ABCD3: variants seen among roughly 807,000 people sequenced by gnomAD.
ABCD3 encodes ATP binding cassette subfamily D member 3.
Under a neutral mutation model 105.5 loss-of-function variants are expected in ABCD3, and 41 were observed. That is an observed-to-expected ratio of 0.39 (90% confidence interval 0.30 to 0.50). The LOEUF (loss-of-function observed/expected upper bound fraction) is 0.50, where lower values mean the gene tolerates loss of function less well. ABCD3 is among the 20% of genes least tolerant of loss of function. The pLI, the probability that ABCD3 is intolerant of heterozygous loss-of-function variation, is 0.84. For missense variants in ABCD3, 622 were observed against 806.3 expected, an observed-to-expected ratio of 0.77 and a Z score of 2.77; for synonymous variants, 258 against 269.0, an observed-to-expected ratio of 0.96 and a Z score of 0.40.
rs1443545252 is a variant in ABCD3 at position 94,518,610 on chromosome 1, G to T, written c.*1481G>T. The T allele has an allele frequency of 6.6e-6, 1 of 151,162 alleles. No individual in the cohort carries two copies. Among genetic ancestry groups the T allele is most frequent in the Non-Finnish European group, 1.5e-5 (1 of 67,732 alleles). The allele number at this position is 151,162 out of a possible 1,614,324, so 9.4% of individuals were successfully genotyped here. On this transcript the variant is annotated 3_prime_UTR_variant, in exon 23 of 23. Coordinates refer to ENST00000370214, the MANE Select transcript of ABCD3 (RefSeq NM_002858.4). ...AATTCAGCCTTGACTTGAAAACATAGATAGTTTAATCTTGACTTGAAAAAC... is the reference window on the plus strand; with the variant it reads ...AATTCAGCCTTGACTTGAAAACATATATAGTTTAATCTTGACTTGAAAAAC...
At chr1:94,483,337 A>T (rs927063934) in intron 10 of ABCD3, 98 bp downstream of exon 10, 1 of 867,500 alleles carries the variant, frequency 1.2e-6, no homozygotes, top group African/African-American at 1.7e-5. Flanking sequence ...ACACACAAAC[A>T]CACACGTATG....
At chr1:94,458,711 CT>C (rs1439879531) in intron 2 of ABCD3, 68 bp downstream of exon 2, 1 of 1,469,152 alleles carries the variant, frequency 6.8e-7, no homozygotes, top group Non-Finnish European at 9.5e-7. Flanking sequence ...TCATATGATT[CT>C]GATTTAGGAT....
intron 1 of ABCD3, among the ~76,000 whole-genome samples, chr1:94,432,861 C>CTTT (rs35010583): frequency 6.7e-6 from 1 of 148,430 alleles, no homozygotes. Context: ...AATTTTTTTT[C>CTTT]TTTTTTTTTT....
the ABCD3 span, among the ~76,000 whole-genome samples, chr1:94,406,149 G>A: frequency 6.6e-6 from 1 of 150,400 alleles, no homozygotes; most frequent in Non-Finnish European, 1.5e-5. Context: ...GTTATCCAGC[G>A]ATCTCAACAC....
chr1:94,402,655 C>A, the ABCD3 span, among the ~76,000 whole-genome samples: 1 of 152,200 alleles, frequency 6.6e-6, no homozygotes. Flanking sequence ...CTACCCCCTT[C>A]ACGCTCTAAT....
At chr1:94,444,331 C>CAAAAAA (rs35583952) in intron 1 of ABCD3, among the ~76,000 whole-genome samples, 1 of 93,436 alleles carries the variant, frequency 1.1e-5, no homozygotes, top group African/African-American at 4.7e-5. Flanking sequence ...GACTCCATCT[C>CAAAAAA]AAAAAAAAAA....
At chr1:94,507,264 G>A (rs1239586932) in intron 21 of ABCD3, among the ~76,000 whole-genome samples, 1 of 152,066 alleles carries the variant, frequency 6.6e-6, no homozygotes, top group Non-Finnish European at 1.5e-5. Flanking sequence ...TCTTGCGAAA[G>A]TTTACTGAGA....
chr1:94,491,066 A>T (rs1041277513), intron 15 of ABCD3, 118 bp from the exon 16 acceptor site: 1 of 697,316 alleles, frequency 1.4e-6, no homozygotes, highest in African/African-American at 1.8e-5. Context: ...TCTTCTTTTA[A>T]GAAGTGTTTA....
intron 21 of ABCD3, among the ~76,000 whole-genome samples, chr1:94,511,196 A>G (rs1460208876): frequency 6.6e-5 from 10 of 152,096 alleles, no homozygotes; most frequent in South Asian, 2.1e-4. Context: ...GGTGGTGACA[A>G]AATCTCTCAG....
chr1:94,418,445 G>T lies in ABCD3; in HGVS notation c.-34G>T, dbSNP rs1035485876. On this transcript the variant is annotated 5_prime_UTR_variant, in exon 1 of 23. Coordinates refer to ENST00000370214, the MANE Select transcript of ABCD3 (RefSeq NM_002858.4). ...TAGCCGCCGCCGCCGCCGCCGCCGC[G>T]TCCCCTCGCCGGCTCGCTGGTACCG... The T allele has an allele frequency of 5.2e-6, 8 of 1,528,218 alleles. No individual in the cohort carries two copies. The highest frequency in any genetic ancestry group is 7.1e-6 in the Non-Finnish European group (8 of 1,126,886). The allele number at this position is 1,528,218 out of a possible 1,614,324, so 94.7% of individuals were successfully genotyped here.
At chr1:94,516,791 T>C (rs1650940191) in intron 22 of ABCD3, among the ~76,000 whole-genome samples, 1 of 151,816 alleles carries the variant, frequency 6.6e-6, no homozygotes, top group Non-Finnish European at 1.5e-5. Context: ...AGCCTTAAGC[T>C]GGAGATTTCA....
intron 18 of ABCD3, 34 bp from the exon 19 acceptor site, chr1:94,498,911 T>C: frequency 6.2e-7 from 1 of 1,610,838 alleles, no homozygotes; most frequent in Non-Finnish European, 8.5e-7. Context: ...TTTTTCATGT[T>C]GCTTCTAATT....
chr1:94,477,813 A>G (rs1648836449), intron 7 of ABCD3, among the ~76,000 whole-genome samples: 1 of 152,250 alleles, frequency 6.6e-6, no homozygotes, highest in African/African-American at 2.4e-5. Context: ...ATAAAGTAAT[A>G]GAGTCAAACA....
chr1:94,456,470 G>A (rs1294255943), intron 1 of ABCD3, among the ~76,000 whole-genome samples: 2 of 150,960 alleles, frequency 1.3e-5, no homozygotes, highest in Admixed American at 6.6e-5. Context: ...TAGAGACAGA[G>A]TTTCACCGTG....
chr1:94,428,480 A>G (rs1659553998), intron 1 of ABCD3, among the ~76,000 whole-genome samples: 1 of 152,250 alleles, frequency 6.6e-6, no homozygotes, highest in Non-Finnish European at 1.5e-5. Context: ...TATTTTAAAA[A>G]TATTTATACA....
the ABCD3 span, among the ~76,000 whole-genome samples, chr1:94,399,137 C>A: frequency 6.6e-6 from 1 of 152,184 alleles, no homozygotes; most frequent in Non-Finnish European, 1.5e-5. Context: ...CAGAACAGGT[C>A]CATCACCCTA....
At position 94,418,450 on chromosome 1, in the gene ABCD3, C is replaced by T. The variant is rs372971488; in HGVS notation, c.-29C>T. 7.0e-6 allele frequency: 11 copies of T among 1,570,982 alleles called. No individual in the cohort carries two copies. The highest frequency in any genetic ancestry group is 3.4e-5 in the South Asian group (3 of 87,844). On this transcript the variant is annotated 5_prime_UTR_variant, in exon 1 of 23. Coordinates refer to ENST00000370214, the MANE Select transcript of ABCD3 (RefSeq NM_002858.4). ...GCCGCCGCCGCCGCCGCCGCGTCCCCTCGCCGGCTCGCTGGTACCGGCAGT... is the reference window on the plus strand; with the variant it reads ...GCCGCCGCCGCCGCCGCCGCGTCCCTTCGCCGGCTCGCTGGTACCGGCAGT...
the ABCD3 span, among the ~76,000 whole-genome samples, chr1:94,395,855 CAAAG>C: frequency 1.3e-5 from 2 of 150,734 alleles, no homozygotes; most frequent in African/African-American, 4.9e-5. Flanking sequence ...GAGAGAGAGA[CAAAG>C]AGACACACAG....
At chr1:94,486,440 C>A (rs1649283190) in intron 10 of ABCD3, among the ~76,000 whole-genome samples, 1 of 152,118 alleles carries the variant, frequency 6.6e-6, no homozygotes, top group Admixed American at 6.6e-5. Flanking sequence ...ATTGTATCTC[C>A]AGCTTGAGCA....
Sources: allele counts gnomAD v4.1 joint callset (sites outside exome capture counted in the v4.1 genomes callset), GRCh38; gene constraint gnomAD v4.1.1; transcripts MANE v1.5; gene names NCBI Gene and HGNC (gene_info 2026-07-23, HGNC 2026-07-21).